The following KDM7A variants were observed in gnomAD, a reference collection of about 807,000 sequenced individuals.
KDM7A encodes the protein lysine-specific demethylase 7A.
Under a neutral mutation model 114.8 loss-of-function variants are expected in KDM7A, and 28 were observed. The observed-to-expected ratio is 0.24, with a 90% CI of 0.18 to 0.33. The LOEUF (loss-of-function observed/expected upper bound fraction) is 0.33. Ranked by LOEUF, KDM7A falls within the 10% of genes least tolerant of loss-of-function variation. The pLI, the probability that KDM7A is intolerant of heterozygous loss-of-function variation, is 1.00. For synonymous variants in KDM7A, 423 were observed against 397.8 expected, an observed-to-expected ratio of 1.06 and a Z score of -0.75; for missense variants, 942 against 1,142.5, an observed-to-expected ratio of 0.82 and a Z score of 2.53.
chr7:140,175,396 G>A (rs1018072399), intron 1 of KDM7A, among the ~76,000 whole-genome samples: 7 of 152,146 alleles, frequency 4.6e-5, no homozygotes, highest in Admixed American at 1.3e-4. Context: ...GTATTTAAAT[G>A]TCCTGCTGTC....
rs1441814675 is a variant in KDM7A at position 140,090,400 on chromosome 7, A to T, written c.*694T>A. On this transcript the variant is annotated 3_prime_UTR_variant, in exon 20 of 20. Transcript: ENST00000397560. ...GAGTGCAGAGGGAAGGTGGGATATA[A>T]GGTAATCAACCTGGATAACAGTATG... 6.6e-6 allele frequency: 1 copy of T among 152,218 alleles called. No individual in the cohort carries two copies. The highest frequency in any genetic ancestry group is 1.9e-4 in the East Asian group (1 of 5,204). The allele number at this position is 152,218 out of a possible 1,614,324, so 9.4% of individuals were successfully genotyped here. A position where few individuals can be genotyped will look rare whatever the true frequency, so the allele number is the denominator to read the frequency against.
At chr7:140,165,401 T>A (rs911402534) in intron 1 of KDM7A, among the ~76,000 whole-genome samples, 1 of 152,232 alleles carries the variant, frequency 6.6e-6, no homozygotes, top group African/African-American at 2.4e-5. Context: ...TCCCACCAGG[T>A]TGTTCTTCAC....
At chr7:140,111,705 T>A (rs1370977323) in intron 10 of KDM7A, among the ~76,000 whole-genome samples, 2 of 152,194 alleles carry the variant, frequency 1.3e-5, no homozygotes, top group Non-Finnish European at 2.9e-5. Flanking sequence ...ACGCCTGTAA[T>A]CCCAACACTT....
At position 140,114,289 on chromosome 7, in the gene KDM7A, T is replaced by TGCCGAGTGCCTGGGATTGCA. The variant is rs1260580469; in HGVS notation, c.1247-727_1247-708dup. On this transcript the variant is annotated intron_variant, in intron 9 of 19. Coordinates refer to ENST00000397560, the MANE Select transcript of KDM7A (RefSeq NM_030647.2). Reference sequence around the variant, plus strand: ...CCTGCTTGATTCTCCTGCCTCAGCCTGCCGAGTGCCTGGGATTGCAGGCGC... The same window carrying TGCCGAGTGCCTGGGATTGCA: ...CCTGCTTGATTCTCCTGCCTCAGCCTGCCGAGTGCCTGGGATTGCAGCCGAGTGCCTGGGATTGCAGGCGC... Among the ~76,000 whole-genome samples the TGCCGAGTGCCTGGGATTGCA allele has an allele frequency of 4.6e-5, 7 of 152,224 alleles. No homozygotes were observed. The East Asian group carries it at 1.4e-3, about 30-fold the overall frequency.
rs201873813 is a variant in KDM7A, at chr7:140,139,135, T to C, written c.250A>G (p.Asn84Asp). Reference sequence around the variant, plus strand: ...GAGGAACCATGTAAAACTGCACAGTTGGGACAGTGATACAGGTCAATGTCA... The same window carrying C: ...GAGGAACCATGTAAAACTGCACAGTCGGGACAGTGATACAGGTCAATGTCA... ...AVDIDLYHCP[N>D]CAVLHGSSLM... The change falls in exon 2 of 20, where the codon AAC becomes GAC. Residue 84 changes from asparagine to aspartate, a missense_variant. By Grantham distance (23) the Asn-to-Asp change is conservative. Around this residue, in one of 4 missense-constraint regions of KDM7A, gnomAD observed 318 missense variants for 453.1 expected, o/e 0.70. Transcript: ENST00000397560. The C allele has an allele frequency of 2.0e-4, 322 of 1,613,404 alleles. 1 individual carries two copies. In the African/African-American group the frequency reaches 4.1e-3, roughly 20 times the overall value.
chr7:140,096,956 A>G lies in KDM7A; in HGVS notation c.2108T>C (p.Met703Thr), dbSNP rs1818125974. Reference sequence around the variant, plus strand: ...CTGGCTCTTTTGAAGGAAGTTCCTCATCACATTAGATTCCTCCTTAAAGTT... The same window carrying G: ...CTGGCTCTTTTGAAGGAAGTTCCTCGTCACATTAGATTCCTCCTTAAAGTT... ...TSNFKEESNV[M>T]RNFLQKSQKP... Residue 703 changes from methionine to threonine, a missense_variant, in exon 16 of 20, where the codon ATG becomes ACG. Physicochemically the swap from Met to Thr is moderately conservative, Grantham distance 81 (BLOSUM62 -1). Transcript: ENST00000397560. 6.2e-7 allele frequency: 1 copy of G among 1,613,690 alleles called. No homozygotes were observed. The highest frequency in any genetic ancestry group is 1.3e-5 in the African/African-American group (1 of 75,032).
chr7:140,154,114 G>C (rs1794431754), intron 1 of KDM7A, among the ~76,000 whole-genome samples: 1 of 152,058 alleles, frequency 6.6e-6, no homozygotes. Context: ...TTATCTAATG[G>C]TAACTGAAAT....
chr7:140,168,413 C>CA (rs1424077277), intron 1 of KDM7A, among the ~76,000 whole-genome samples: 3 of 151,898 alleles, frequency 2.0e-5, no homozygotes, highest in African/African-American at 7.3e-5. Context: ...AAAAAAAATA[C>CA]AAAAATTAGC....
chr7:140,098,315 A>C (rs1023707514), intron 14 of KDM7A, among the ~76,000 whole-genome samples: 7 of 152,226 alleles, frequency 4.6e-5, no homozygotes, highest in African/African-American at 1.2e-4. Context: ...AGATCCTGAA[A>C]TATATTGAGA....
chr7:140,174,952 C>A (rs969264118), intron 1 of KDM7A, among the ~76,000 whole-genome samples: 3 of 147,996 alleles, frequency 2.0e-5, no homozygotes, highest in African/African-American at 7.3e-5. Flanking sequence ...CCTCAAATTT[C>A]AAAAAATAGT....
At chr7:140,117,100 A>G (rs1166277991) in intron 9 of KDM7A, among the ~76,000 whole-genome samples, 2 of 152,218 alleles carry the variant, frequency 1.3e-5, no homozygotes, top group East Asian at 3.8e-4. Context: ...ATAATGATCA[A>G]TTGGCTTTTG....
chr7:140,097,058 A>G lies in KDM7A; in HGVS notation c.2017-11T>C. ...GGTAAAGATACTTTTCTGAGATGAT[A>G]ATTACATGGAAACAAAGCTACATAA... On this transcript the variant is annotated splice_polypyrimidine_tract_variant and intron_variant, in intron 15 of 19. Transcript: ENST00000397560. 6.2e-7 allele frequency: 1 copy of G among 1,601,746 alleles called. No individual in the cohort carries two copies. Among genetic ancestry groups the G allele is most frequent in the Non-Finnish European group, 8.5e-7 (1 of 1,172,430 alleles).
At chr7:140,171,525 A>ATATT (rs937174556) in intron 1 of KDM7A, among the ~76,000 whole-genome samples, 2 of 144,772 alleles carry the variant, frequency 1.4e-5, no homozygotes, top group South Asian at 4.2e-4. Flanking sequence ...TTATAAATAT[A>ATATT]TATTTATTTA....
chr7:140,133,904 A>G (rs151259403), intron 2 of KDM7A, among the ~76,000 whole-genome samples: 2 of 152,344 alleles, frequency 1.3e-5, no homozygotes, highest in East Asian at 3.9e-4. Flanking sequence ...AACAAATTCA[A>G]ATCAGCAGAT....
At chr7:140,110,835 T>C (rs1818418514) in intron 11 of KDM7A, among the ~76,000 whole-genome samples, 2 of 152,216 alleles carry the variant, frequency 1.3e-5, no homozygotes. Flanking sequence ...GTTTATACTC[T>C]GTATTTTTGA....
At chr7:140,142,017 T>C (rs1238768309) in intron 1 of KDM7A, among the ~76,000 whole-genome samples, 2 of 136,600 alleles carry the variant, frequency 1.5e-5, no homozygotes, top group Non-Finnish European at 3.3e-5. Context: ...TTATATATAA[T>C]ATATATTTAT....
At chr7:140,129,406 T>C (rs1818752855) in intron 4 of KDM7A, 87 bp downstream of exon 4, 17 of 1,109,504 alleles carry the variant, frequency 1.5e-5, no homozygotes, top group Non-Finnish European at 2.1e-5. Context: ...AAATTGACAT[T>C]TCTTCATTTA....
chr7:140,170,722 ATC>A lies in KDM7A; in HGVS notation c.194+6020_194+6021del, dbSNP rs1034400853. Among the ~76,000 whole-genome samples, 82 of 152,218 alleles carry A rather than the reference ATC, an allele frequency of 5.4e-4. 1 individual carries two copies. Among genetic ancestry groups the A allele is most frequent in the Admixed American group, 5.1e-3 (78 of 15,284 alleles). ...ATTCGATAAGTGAGATTCGATATTT[ATC>A]TCTCTTTCCCTTCGAGAATGTAAGT... On this transcript the variant is annotated intron_variant, in intron 1 of 19. Coordinates refer to ENST00000397560, the MANE Select transcript of KDM7A (RefSeq NM_030647.2).
intron 9 of KDM7A, among the ~76,000 whole-genome samples, chr7:140,116,045 T>C (rs150504220): frequency 2.0e-4 from 31 of 152,294 alleles, no homozygotes; most frequent in African/African-American, 4.8e-4. Flanking sequence ...GGCCAGAGCA[T>C]AGAGCTTTGG....
Sources: gnomAD v4.1 joint callset for allele counts (sites outside exome capture counted in the v4.1 genomes callset) on GRCh38, gnomAD v4.1.1 for gene constraint, gnomAD v4.1.1 regional missense constraint, MANE v1.5 for transcripts, NCBI Gene and HGNC (gene_info 2026-07-23, HGNC 2026-07-21) for gene names.